The following MGAT4C variants were observed in gnomAD, a reference collection of about 807,000 sequenced individuals.
MGAT4C encodes the protein alpha-1,3-mannosyl-glycoprotein 4-beta-N-acetylglucosaminyltransferase C.
A neutral mutation model predicts 40.1 loss-of-function variants in MGAT4C; 19 were observed. That is an observed-to-expected ratio of 0.47 (90% CI 0.33 to 0.70). MGAT4C has a LOEUF of 0.70. Among genes scored for constraint, MGAT4C ranks in the 30% least tolerant of loss-of-function variants. The pLI, the probability that MGAT4C is intolerant of heterozygous loss-of-function variation, is 0.02. For synonymous variants in MGAT4C, 181 were observed against 187.1 expected (o/e 0.97, Z 0.27); for missense variants, 491 against 563.2 (o/e 0.87, Z 1.30).
intron 1 of MGAT4C, among the ~76,000 whole-genome samples, chr12:86,254,262 G>T (rs1952424768): frequency 6.6e-6 from 1 of 151,942 alleles, no homozygotes; most frequent in Admixed American, 6.6e-5. Flanking sequence ...AAGTCCATTA[G>T]CTAGGTAGCT....
At chr12:86,620,332 G>A (rs1422185321) in intron 2 of MGAT4C, among the ~76,000 whole-genome samples, 1 of 151,104 alleles carries the variant, frequency 6.6e-6, no homozygotes, top group Non-Finnish European at 1.5e-5. Flanking sequence ...TCGAGAATTA[G>A]ATAAAATATC....
chr12:86,423,159 T>C (rs1029895035), intron 3 of MGAT4C, among the ~76,000 whole-genome samples: 1 of 152,160 alleles, frequency 6.6e-6, no homozygotes, highest in South Asian at 2.1e-4. Context: ...AATTTTATTA[T>C]ATTACTTAGT....
intron 3 of MGAT4C, among the ~76,000 whole-genome samples, chr12:86,403,025 T>G (rs1337238333): frequency 6.6e-6 from 1 of 152,210 alleles, no homozygotes. Flanking sequence ...AGCTCTGACA[T>G]GTTAAATAAC....
At chr12:86,485,141 GAGAA>G (rs1957999263) in intron 2 of MGAT4C, among the ~76,000 whole-genome samples, 1 of 152,152 alleles carries the variant, frequency 6.6e-6, no homozygotes, top group Non-Finnish European at 1.5e-5. Context: ...AGCTTCTGAT[GAGAA>G]AGAATCGGCA....
chr12:86,346,356 C>T (rs1285883737), intron 3 of MGAT4C, among the ~76,000 whole-genome samples: 3 of 152,132 alleles, frequency 2.0e-5, no homozygotes, highest in Non-Finnish European at 2.9e-5. Context: ...TCCCAAGTAG[C>T]TGGAACTACA....
intron 2 of MGAT4C, among the ~76,000 whole-genome samples, chr12:86,037,688 CT>C (rs139858882): frequency 0.22 from 32,149 of 149,266 alleles, 5,992 homozygotes; most frequent in Non-Finnish European, 0.31. Context: ...TTTGCATTTG[CT>C]GAGGAGTGTT....
At chr12:86,608,366 G>T (rs750640276) in intron 2 of MGAT4C, among the ~76,000 whole-genome samples, 73 of 152,096 alleles carry the variant, frequency 4.8e-4, no homozygotes, top group Middle Eastern at 3.4e-3. Context: ...ATCACTTAAA[G>T]CCAGAAGTTC....
intron 1 of MGAT4C, among the ~76,000 whole-genome samples, chr12:86,243,592 C>A (rs906980609): frequency 6.6e-6 from 1 of 152,120 alleles, no homozygotes; most frequent in East Asian, 1.9e-4. Flanking sequence ...ATGAAAAGCC[C>A]ATGAAAGAGC....
chr12:86,707,529 T>TC (rs1950481832), intron 2 of MGAT4C, among the ~76,000 whole-genome samples: 1 of 125,186 alleles, frequency 8.0e-6, no homozygotes, highest in African/African-American at 3.5e-5. Flanking sequence ...TTTTCTTTTC[T>TC]TTTTTTTTTT....
At chr12:86,718,935 CT>C (rs1454576160) in intron 2 of MGAT4C, among the ~76,000 whole-genome samples, 4 of 152,072 alleles carry the variant, frequency 2.6e-5, no homozygotes, top group African/African-American at 9.7e-5. Context: ...ACACGGTGGC[CT>C]TAGGGTACCT....
chr12:86,417,978 C>T (rs1367246229), intron 3 of MGAT4C, among the ~76,000 whole-genome samples: 14 of 152,060 alleles, frequency 9.2e-5, no homozygotes. Context: ...CATTATACAA[C>T]TAAGAAATGG....
At chr12:86,563,090 A>G (rs763873768) in intron 2 of MGAT4C, among the ~76,000 whole-genome samples, 19 of 152,146 alleles carry the variant, frequency 1.2e-4, no homozygotes, top group African/African-American at 4.6e-4. Flanking sequence ...GATGGTCCAG[A>G]AGACATACCC....
chr12:86,694,702 A>G (rs996873198), intron 2 of MGAT4C, among the ~76,000 whole-genome samples: 1 of 152,216 alleles, frequency 6.6e-6, no homozygotes, highest in Non-Finnish European at 1.5e-5. Flanking sequence ...AAATTGTTGT[A>G]TATAAGCAGA....
At chr12:86,146,806 A>G (rs979602397) in intron 1 of MGAT4C, among the ~76,000 whole-genome samples, 4 of 149,178 alleles carry the variant, frequency 2.7e-5, no homozygotes, top group African/African-American at 7.4e-5. Flanking sequence ...CTTATTTGGT[A>G]CTTGCTTTAT....
At chr12:86,412,724 C>A (rs961850334) in intron 3 of MGAT4C, among the ~76,000 whole-genome samples, 4 of 152,104 alleles carry the variant, frequency 2.6e-5, no homozygotes, top group Non-Finnish European at 5.9e-5. Flanking sequence ...TTAGAAGGGA[C>A]AATTGTATTT....
intron 2 of MGAT4C, among the ~76,000 whole-genome samples, chr12:86,442,338 C>G (rs964132554): frequency 3.9e-5 from 6 of 152,258 alleles, no homozygotes; most frequent in African/African-American, 1.4e-4. Context: ...TGCAGAAGCT[C>G]TTTAGTTGAA....
intron 1 of MGAT4C, among the ~76,000 whole-genome samples, chr12:86,834,331 T>G (rs1441847292): frequency 6.6e-6 from 1 of 151,778 alleles, no homozygotes; most frequent in Non-Finnish European, 1.5e-5. Context: ...CAGGGTTTAA[T>G]ATTATGGAAA....
At chr12:86,439,140 A>G (rs1957185929) in intron 2 of MGAT4C, among the ~76,000 whole-genome samples, 1 of 152,002 alleles carries the variant, frequency 6.6e-6, no homozygotes, top group Admixed American at 6.6e-5. Flanking sequence ...ACAGATATTT[A>G]TAGCACATTC....
At chr12:86,228,628 T>C (rs1951193136) in intron 1 of MGAT4C, among the ~76,000 whole-genome samples, 1 of 151,804 alleles carries the variant, frequency 6.6e-6, no homozygotes, top group Non-Finnish European at 1.5e-5. Flanking sequence ...CCCCCAGTAT[T>C]TTCTATGGAA....
Sources: gnomAD v4.1 joint callset for allele counts (sites outside exome capture counted in the v4.1 genomes callset) on GRCh38, gnomAD v4.1.1 for gene constraint, MANE v1.5 for transcripts, NCBI Gene and HGNC (gene_info 2026-07-23, HGNC 2026-07-21) for gene names.